Variants in SPMAP2 observed in about 807,000 individuals in gnomAD.
The protein encoded by SPMAP2 is sperm microtubule associated protein 2.
the SPMAP2 span, chr19:373,954 G>A: frequency 3.1e-6 from 5 of 1,613,512 alleles, no homozygotes; most frequent in African/African-American, 1.3e-5. Flanking sequence ...AGAGACAGAA[G>A]TGCAAGCTCA....
chr19:364,268 C>T, the SPMAP2 span, among the ~76,000 whole-genome samples: 10 of 133,466 alleles, frequency 7.5e-5, no homozygotes, highest in Non-Finnish European at 3.1e-5. Flanking sequence ...ACCCGGGAGG[C>T]GGAGCTTGCA....
chr19:363,381 C>T, the SPMAP2 span, among the ~76,000 whole-genome samples: 182 of 152,034 alleles, frequency 1.2e-3, no homozygotes, highest in African/African-American at 3.4e-3. Flanking sequence ...TCAGCAGAGA[C>T]GGGGTTTCAC....
the SPMAP2 span, chr19:362,475 C>A: frequency 6.8e-7 from 1 of 1,471,576 alleles, no homozygotes; most frequent in Non-Finnish European, 9.2e-7. Context: ...AACCTCAAAG[C>A]TCCACATTCA....
chr19:362,721 G>A, the SPMAP2 span, among the ~76,000 whole-genome samples: 4 of 145,236 alleles, frequency 2.8e-5, no homozygotes, highest in Non-Finnish European at 4.5e-5. Flanking sequence ...AGCGCAGATC[G>A]CGTCACTGCA....
At chr19:362,297 A>T in the SPMAP2 span, 27 of 1,606,738 alleles carry the variant, frequency 1.7e-5, no homozygotes, top group Non-Finnish European at 2.2e-5. Flanking sequence ...TCCCTCGTTG[A>T]GGCCCTTGCG....
chr19:370,382 C>T, the SPMAP2 span, among the ~76,000 whole-genome samples: 26 of 151,532 alleles, frequency 1.7e-4, no homozygotes, highest in Non-Finnish European at 2.8e-4. Flanking sequence ...CGCTCTGTCG[C>T]CCAGGCTGGA....
At chr19:371,296 C>T in the SPMAP2 span, 6 of 1,490,252 alleles carry the variant, frequency 4.0e-6, no homozygotes, top group African/African-American at 2.9e-5. Context: ...CAGGGAGGAC[C>T]GAGGAATGGG....
the SPMAP2 span, among the ~76,000 whole-genome samples, chr19:370,896 T>G: frequency 0.037 from 5,598 of 152,200 alleles, 163 homozygotes; most frequent in Admixed American, 0.074. Flanking sequence ...TGGTTGCCGG[T>G]GGCCAGGAGT....
At chr19:367,005 G>A in the SPMAP2 span, 12 of 1,571,052 alleles carry the variant, frequency 7.6e-6, no homozygotes, top group Non-Finnish European at 9.5e-6. Context: ...AGAGGTATAA[G>A]GTGTCCCTTG....
At chr19:374,521 C>T in the SPMAP2 span, 2 of 1,494,406 alleles carry the variant, frequency 1.3e-6, no homozygotes, top group Non-Finnish European at 1.8e-6. Flanking sequence ...CTTTTGTCTG[C>T]ACTCACCCTG....
At chr19:373,591 C>T in the SPMAP2 span, 118 of 1,558,706 alleles carry the variant, frequency 7.6e-5, no homozygotes, top group Non-Finnish European at 1.0e-4. Context: ...TGCCCGGAAA[C>T]AAGCCTGGGT....
chr19:374,464 C>A, the SPMAP2 span: 1 of 1,612,878 alleles, frequency 6.2e-7, no homozygotes, highest in African/African-American at 1.3e-5. Flanking sequence ...GCTTTCCCGC[C>A]CCGATGCGTT....
At chr19:374,574 A>G in the SPMAP2 span, 1 of 1,104,362 alleles carries the variant, frequency 9.1e-7, no homozygotes, top group Non-Finnish European at 1.3e-6. Context: ...CTGAGGGAGG[A>G]CTTTGGCACC....
the SPMAP2 span, chr19:374,404 T>C: frequency 1.0e-4 from 168 of 1,614,110 alleles, 1 homozygote; most frequent in South Asian, 1.8e-3. Flanking sequence ...GGGGAGCTTC[T>C]GGCTGATGGA....
the SPMAP2 span, among the ~76,000 whole-genome samples, chr19:368,499 G>T: frequency 2.4e-4 from 37 of 152,134 alleles, no homozygotes; most frequent in Admixed American, 2.4e-3. This position sits in a 1 kb window ranked among gnomAD's most constrained non-coding sequence, Gnocchi z 4.1. Context: ...GGGAAGGAGG[G>T]CAGCTGCTGA....
the SPMAP2 span, among the ~76,000 whole-genome samples, chr19:371,899 C>T: frequency 0.19 from 28,400 of 152,238 alleles, 3,182 homozygotes; most frequent in Admixed American, 0.29. Flanking sequence ...ATGCAGCTTA[C>T]GAGTGCTGCC....
At chr19:370,308 C>T in the SPMAP2 span, among the ~76,000 whole-genome samples, 14 of 151,982 alleles carry the variant, frequency 9.2e-5, no homozygotes, top group Non-Finnish European at 1.3e-4. Flanking sequence ...TGGAAACTTA[C>T]GCCTCCACAA....
the SPMAP2 span, chr19:376,000 T>G: frequency 7.2e-7 from 1 of 1,386,944 alleles, no homozygotes; most frequent in Admixed American, 2.8e-5. Flanking sequence ...CCCCGCGGCC[T>G]CACTCTCCCG....
chr19:368,401 G>A, the SPMAP2 span, among the ~76,000 whole-genome samples: 1 of 148,130 alleles, frequency 6.8e-6, no homozygotes, highest in African/African-American at 2.5e-5. The surrounding 1 kb of genome is among the most constrained non-coding windows in gnomAD (Gnocchi z 4.1). Context: ...TAAGGAGTAG[G>A]CAAAGGACCG....
Sources: allele counts gnomAD v4.1 joint callset (sites outside exome capture counted in the v4.1 genomes callset), GRCh38; gene constraint gnomAD v4.1.1; non-coding constraint Gnocchi (gnomAD v3.1); transcripts MANE v1.5; gene names NCBI Gene and HGNC (gene_info 2026-07-23, HGNC 2026-07-21).